Variants in OTUD7A observed in about 807,000 individuals in gnomAD.
OTUD7A encodes the protein OTU deubiquitinase 7A, also known as OTU domain-containing protein 7A.
A neutral mutation model predicts 65.7 loss-of-function variants in OTUD7A; 12 were observed. The observed-to-expected ratio is 0.18, with a 90% confidence interval of 0.12 to 0.30. The LOEUF (loss-of-function observed/expected upper bound fraction) is 0.30, where lower values mean the gene tolerates loss of function less well. Among genes scored for constraint, OTUD7A ranks in the 10% least tolerant of loss-of-function variants. The probability of loss-of-function intolerance (pLI) is 1.00; values close to 1 mark genes in which losing one functional copy is unlikely to be tolerated. For synonymous variants in OTUD7A, 641 were observed against 586.3 expected (o/e 1.09, Z -1.35); for missense variants, 1,148 against 1,304.8 (o/e 0.88, Z 1.85).
intron 1 of OTUD7A, among the ~76,000 whole-genome samples, chr15:31,729,995 T>C (rs1893996691): frequency 6.6e-6 from 1 of 152,162 alleles, no homozygotes; most frequent in South Asian, 2.1e-4. Context: ...AATTCATATA[T>C]TGAAACCCTA....
intron 3 of OTUD7A, chr15:31,649,718 G>C: frequency 2.3e-6 from 1 of 427,936 alleles, no homozygotes; most frequent in Non-Finnish European, 4.8e-6. Flanking sequence ...TGGGTGAGGT[G>C]AGTGAGCACT....
At chr15:31,494,568 A>T (rs766868481) in intron 10 of OTUD7A, among the ~76,000 whole-genome samples, 6 of 151,774 alleles carry the variant, frequency 4.0e-5, no homozygotes, top group Non-Finnish European at 7.4e-5. Context: ...TGCTGAAAAA[A>T]CTCTCAGGCT....
intron 1 of OTUD7A, among the ~76,000 whole-genome samples, chr15:31,684,975 G>A (rs1406740175): frequency 2.8e-4 from 42 of 150,480 alleles, no homozygotes; most frequent in Non-Finnish European, 5.5e-4. Context: ...ACCTTCACCC[G>A]GTGCTACGTG....
chr15:31,848,438 T>C (rs1480605017), intron 1 of OTUD7A, among the ~76,000 whole-genome samples: 3 of 151,438 alleles, frequency 2.0e-5, no homozygotes, highest in Non-Finnish European at 4.4e-5. Flanking sequence ...TAAAAAACTG[T>C]GCTTTTTATT....
At chr15:31,547,439 A>C (rs1888167311) in intron 5 of OTUD7A, among the ~76,000 whole-genome samples, 1 of 152,186 alleles carries the variant, frequency 6.6e-6, no homozygotes, top group Non-Finnish European at 1.5e-5. Context: ...ACCACTTCTT[A>C]AGACATCTAA....
chr15:31,639,836 C>T (rs1267434698), intron 3 of OTUD7A, among the ~76,000 whole-genome samples: 1 of 152,074 alleles, frequency 6.6e-6, no homozygotes, highest in East Asian at 1.9e-4. Context: ...CTGTTCAAAG[C>T]TTTTGCTTAT....
chr15:31,585,224 C>T (rs962934879), intron 3 of OTUD7A, among the ~76,000 whole-genome samples: 14 of 152,232 alleles, frequency 9.2e-5, no homozygotes, highest in South Asian at 2.1e-4. Context: ...CAACCTTTCC[C>T]CTCCCTTCAT....
At chr15:31,631,557 A>G (rs1185135020) in intron 3 of OTUD7A, among the ~76,000 whole-genome samples, 2 of 152,082 alleles carry the variant, frequency 1.3e-5, no homozygotes, top group Non-Finnish European at 2.9e-5. Flanking sequence ...GAATCTGATA[A>G]TTATGTGTCT....
At chr15:31,537,317 A>T (rs1450552777) in intron 5 of OTUD7A, among the ~76,000 whole-genome samples, 2 of 152,248 alleles carry the variant, frequency 1.3e-5, no homozygotes, top group Non-Finnish European at 2.9e-5. Context: ...GGCATTACTG[A>T]TAAAAAATAA....
At chr15:31,780,593 G>A (rs981513733) in intron 1 of OTUD7A, among the ~76,000 whole-genome samples, 9 of 152,224 alleles carry the variant, frequency 5.9e-5, no homozygotes, top group East Asian at 5.8e-4. Flanking sequence ...ACACTAACGA[G>A]GGATTTCTCA....
At chr15:31,838,386 A>G (rs1029230088) in intron 1 of OTUD7A, among the ~76,000 whole-genome samples, 34 of 152,162 alleles carry the variant, frequency 2.2e-4, no homozygotes, top group Admixed American at 1.0e-3. Flanking sequence ...GCCATCATCC[A>G]GGGACCAAGC....
At chr15:31,631,631 T>G (rs369492042) in intron 3 of OTUD7A, among the ~76,000 whole-genome samples, 4 of 152,296 alleles carry the variant, frequency 2.6e-5, no homozygotes, top group Non-Finnish European at 2.9e-5. Context: ...TCTGAATGTT[T>G]GCCTGCCTTG....
intron 1 of OTUD7A, among the ~76,000 whole-genome samples, chr15:31,798,813 G>C (rs552391896): frequency 1.2e-4 from 19 of 152,164 alleles, no homozygotes; most frequent in South Asian, 1.0e-3. Flanking sequence ...GCTCAGCTTG[G>C]GGGGGGGCTC....
intron 1 of OTUD7A, among the ~76,000 whole-genome samples, chr15:31,733,371 A>G (rs76982550): frequency 2.0e-5 from 3 of 152,066 alleles, no homozygotes; most frequent in Non-Finnish European, 4.4e-5. Flanking sequence ...TCACTATCTG[A>G]GCAACTGTAG....
At chr15:31,736,853 C>T (rs1167088057) in intron 1 of OTUD7A, among the ~76,000 whole-genome samples, 6 of 152,054 alleles carry the variant, frequency 3.9e-5, no homozygotes, top group Admixed American at 2.6e-4. Context: ...GACGGAGTCT[C>T]GCTCTGTTGC....
intron 1 of OTUD7A, among the ~76,000 whole-genome samples, chr15:31,669,987 A>G (rs1274311987): frequency 1.4e-5 from 2 of 143,562 alleles, no homozygotes. Flanking sequence ...GAGCACTCAC[A>G]GTATTTGAGG....
intron 1 of OTUD7A, among the ~76,000 whole-genome samples, chr15:31,837,829 T>C (rs1186935438): frequency 1.3e-5 from 2 of 152,166 alleles, no homozygotes; most frequent in Admixed American, 1.3e-4. Context: ...AAAATAACTT[T>C]GAAAAAGAGG....
At chr15:31,713,576 G>T (rs1184529609) in intron 1 of OTUD7A, among the ~76,000 whole-genome samples, 1 of 151,904 alleles carries the variant, frequency 6.6e-6, no homozygotes, top group Non-Finnish European at 1.5e-5. Context: ...CTGAGATCGT[G>T]CCACTACACT....
chr15:31,555,324 AT>A (rs558379315), intron 5 of OTUD7A, among the ~76,000 whole-genome samples: 8 of 150,886 alleles, frequency 5.3e-5, no homozygotes, highest in South Asian at 2.1e-4. Flanking sequence ...AAACAAATGG[AT>A]TTTTTTTTTA....
Sources: allele counts gnomAD v4.1 joint callset (sites outside exome capture counted in the v4.1 genomes callset), GRCh38; gene constraint gnomAD v4.1.1; transcripts MANE v1.5; gene names NCBI Gene and HGNC (gene_info 2026-07-23, HGNC 2026-07-21).